YME1L1: variants seen among roughly 807,000 people sequenced by gnomAD.
YME1L1 encodes the protein YME1 like 1 ATPase.
A neutral mutation model predicts 90.4 loss-of-function variants in YME1L1; 39 were observed. The ratio of observed to expected loss-of-function variants is 0.43; its 90% CI spans 0.33 to 0.56. The LOEUF is 0.56. YME1L1 is among the 20% of genes least tolerant of loss of function. The pLI, the probability that YME1L1 is intolerant of heterozygous loss-of-function variation, is 0.03. For synonymous variants in YME1L1, 284 were observed against 287.3 expected (o/e 0.99, Z 0.12); for missense variants, 617 against 868.4 (o/e 0.71, Z 3.64).
chr10:27,120,914 CT>C (rs1471586797), intron 12 of YME1L1, among the ~76,000 whole-genome samples: 1 of 152,174 alleles, frequency 6.6e-6, no homozygotes, highest in Non-Finnish European at 1.5e-5. Flanking sequence ...CAGTGACAAA[CT>C]ACTGATCAAA....
rs1348566077 is a variant in YME1L1, at chr10:27,111,194, T to C, written c.*783A>G. On this transcript the variant is annotated 3_prime_UTR_variant, in exon 19 of 19. Coordinates refer to ENST00000376016, the MANE Select transcript of YME1L1 (RefSeq NM_014263.4). ...CCTTGGCCCCCAGAGTAGCTGGGAT[T>C]ATAAGCACCTGCCACCATGCCCAGG... is the stretch of plus-strand genomic sequence containing the variant. The C allele has an allele frequency of 6.6e-6, 1 of 152,372 alleles. No individual in the cohort carries two copies. Among genetic ancestry groups the C allele is most frequent in the Non-Finnish European group, 1.5e-5 (1 of 68,230 alleles). The allele number at this position is 152,372 out of a possible 1,614,324, so 9.4% of individuals were successfully genotyped here.
At chr10:27,137,600 G>A (rs1341318605) in intron 4 of YME1L1, among the ~76,000 whole-genome samples, 2 of 152,042 alleles carry the variant, frequency 1.3e-5, no homozygotes, top group Non-Finnish European at 2.9e-5. Flanking sequence ...TATCCTTGCC[G>A]ACACTAAATA....
intron 13 of YME1L1, 73 bp from the exon 14 acceptor site, chr10:27,119,522 A>T (rs778446186): frequency 4.0e-6 from 6 of 1,496,424 alleles, no homozygotes; most frequent in Non-Finnish European, 5.4e-6. Flanking sequence ...AAGAACTCAC[A>T]TTCCAACTGG....
At chr10:27,122,704 G>A in intron 11 of YME1L1, 137 bp downstream of exon 11, 4 of 1,203,006 alleles carry the variant, frequency 3.3e-6, no homozygotes, top group Non-Finnish European at 4.6e-6. Context: ...GGACTACTCT[G>A]TTTCCTATAC....
chr10:27,145,697 T>C (rs1038717627), intron 2 of YME1L1, 107 bp from the exon 3 acceptor site: 2 of 956,336 alleles, frequency 2.1e-6, no homozygotes, highest in South Asian at 5.6e-5. Context: ...GTCTAACAAA[T>C]ATATTTCCTT....
chr10:27,113,219 C>CAAAAAAAAAAAAAAAAAAAAAAAAAAAAA, intron 18 of YME1L1, among the ~76,000 whole-genome samples: 1 of 43,104 alleles, frequency 2.3e-5, no homozygotes, highest in South Asian at 7.6e-4. Flanking sequence ...GATGCTGTCT[C>CAAAAAAAAAAAAAAAAAAAAAAAAAAAAA]AAAAAAAAAA....
At chr10:27,140,303 C>G (rs1051421473) in intron 4 of YME1L1, among the ~76,000 whole-genome samples, 3 of 152,046 alleles carry the variant, frequency 2.0e-5, no homozygotes, top group African/African-American at 7.3e-5. Flanking sequence ...CTGCATCCAG[C>G]CTGATTTCTC....
chr10:27,133,795 A>G (rs989823957), intron 7 of YME1L1, among the ~76,000 whole-genome samples: 8 of 152,252 alleles, frequency 5.3e-5, no homozygotes, highest in African/African-American at 1.9e-4. Context: ...TCTTCTACAT[A>G]ATTTTAAAAT....
chr10:27,145,524 C>T lies in YME1L1; in HGVS notation c.235G>A (p.Glu79Lys), dbSNP rs2057135184. 1 of 1,613,468 alleles carries T rather than the reference C, an allele frequency of 6.2e-7. No homozygotes were observed. The highest frequency in any genetic ancestry group is 1.3e-5 in the African/African-American group (1 of 74,910). Residue 79 changes from glutamate to lysine, a missense_variant, in exon 3 of 19, where the codon GAA (glutamate) becomes AAA (lysine). Glu to Lys is a moderately conservative substitution (Grantham distance 56). Transcript: ENST00000376016. ...TTACAAAATCCAGGAAGTAGATTTTCTACCAGCTGATCAATCTGTCCAATT... is the reference window on the plus strand; with the variant it reads ...TTACAAAATCCAGGAAGTAGATTTTTTACCAGCTGATCAATCTGTCCAATT... ...LKIGQIDQLVENLLPGFCKGK... is the reference protein window; with the variant it reads ...LKIGQIDQLVKNLLPGFCKGK...
intron 8 of YME1L1, 72 bp from the exon 9 acceptor site, chr10:27,126,858 T>C (rs2056925096): frequency 2.3e-6 from 2 of 855,666 alleles, no homozygotes; most frequent in Non-Finnish European, 3.6e-6. Context: ...GGCTTCCCTT[T>C]TGAAAATCAT....
rs1294110930 is a variant in YME1L1 at position 27,119,432 on chromosome 10, T to C, written c.1429A>G (p.Ile477Val). Residue 477 changes from isoleucine to valine, a missense_variant, in exon 14 of 19, where the codon ATA becomes GTA. Coordinates refer to ENST00000376016, the MANE Select transcript of YME1L1 (RefSeq NM_014263.4). ...GAAAAGCCAACAGTACCTCGAGCTA[T>C]AATTTCTGGATCAACGGCTAATGTA... ...KFDQSVDPEI[I>V]ARGTVGFSGA... 1.9e-6 allele frequency: 3 copies of C among 1,609,530 alleles called. No individual in the cohort carries two copies. Among genetic ancestry groups the C allele is most frequent in the Non-Finnish European group, 2.5e-6 (3 of 1,178,698 alleles).
intron 2 of YME1L1, chr10:27,147,349 A>AAAAC: frequency 1.4e-6 from 2 of 1,433,200 alleles, no homozygotes; most frequent in African/African-American, 1.4e-5. Flanking sequence ...TAAAAATGAT[A>AAAAC]AAACAAACAA....
At chr10:27,117,832 C>A in intron 14 of YME1L1, 105 bp from the exon 15 acceptor site, 1 of 1,147,108 alleles carries the variant, frequency 8.7e-7, no homozygotes, top group Non-Finnish European at 1.2e-6. Flanking sequence ...TTCCTATCAG[C>A]AGATTCTGCA....
intron 18 of YME1L1, among the ~76,000 whole-genome samples, chr10:27,113,662 A>AG: frequency 6.6e-6 from 1 of 150,844 alleles, no homozygotes; most frequent in Non-Finnish European, 1.5e-5. Context: ...ACAAGAGCAG[A>AG]ACTCTGTCTC....
In YME1L1 at chr10:27,117,732, G is replaced by T; in HGVS notation, c.1568-5C>A. ...CCACACTTCTTCTTTCAGGCCCTAA[G>T]ATAAATTTAATTGAGTAAATACTCC... On this transcript the variant is annotated splice_polypyrimidine_tract_variant and splice_region_variant and intron_variant, in intron 14 of 18. Transcript: ENST00000376016. 9 of 1,613,474 alleles carry T rather than the reference G, an allele frequency of 5.6e-6. No homozygotes were observed. Among genetic ancestry groups the T allele is most frequent in the Non-Finnish European group, 7.6e-6 (9 of 1,179,672 alleles).
At chr10:27,132,212 T>C (rs781378064) in intron 7 of YME1L1, among the ~76,000 whole-genome samples, 2 of 152,126 alleles carry the variant, frequency 1.3e-5, no homozygotes, top group Non-Finnish European at 2.9e-5. Flanking sequence ...GCGATTCTCC[T>C]GCCTCAGCCT....
chr10:27,125,295 C>T (rs1297693984), intron 9 of YME1L1, among the ~76,000 whole-genome samples: 5 of 151,292 alleles, frequency 3.3e-5, no homozygotes, highest in Non-Finnish European at 7.4e-5. Context: ...ACTGTGAAGT[C>T]ATTAAAAGTC....
chr10:27,120,055 T>C (rs1032452453), intron 13 of YME1L1, among the ~76,000 whole-genome samples: 5 of 152,160 alleles, frequency 3.3e-5, no homozygotes, highest in Non-Finnish European at 7.4e-5. Context: ...TGTGTTTTGT[T>C]TTATAATTTG....
At chr10:27,131,126 T>C (rs1346669772) in intron 8 of YME1L1, among the ~76,000 whole-genome samples, 7 of 152,158 alleles carry the variant, frequency 4.6e-5, no homozygotes, top group Admixed American at 4.6e-4. Flanking sequence ...AATGTCACCT[T>C]CTCCATCAAT....
Sources: gnomAD v4.1 joint callset for allele counts (sites outside exome capture counted in the v4.1 genomes callset) on GRCh38, gnomAD v4.1.1 for gene constraint, MANE v1.5 for transcripts, NCBI Gene and HGNC (gene_info 2026-07-23, HGNC 2026-07-21) for gene names.